The following NSD2 variants were observed in gnomAD, a reference collection of about 807,000 sequenced individuals.
NSD2 encodes the protein histone-lysine N-methyltransferase NSD2.
A neutral mutation model predicts 139.0 loss-of-function variants in NSD2; 12 were observed. The observed-to-expected ratio is 0.09, with a 90% CI of 0.06 to 0.14. The LOEUF (loss-of-function observed/expected upper bound fraction) is 0.14, where lower values mean the gene tolerates loss of function less well. NSD2 is among the 10% of genes least tolerant of loss of function. NSD2 has a pLI of 1.00. For missense variants in NSD2, 1,155 were observed against 1,745.0 expected, an observed-to-expected ratio of 0.66 and a Z score of 6.02; for synonymous variants, 669 against 648.7, an observed-to-expected ratio of 1.03 and a Z score of -0.48.
chr4:1,963,780 G>A (rs1449098384), intron 18 of NSD2, among the ~76,000 whole-genome samples: 5 of 152,214 alleles, frequency 3.3e-5, no homozygotes, highest in Admixed American at 6.5e-5. Context: ...TTGGAAGGCC[G>A]AGTTGGGAGG....
Position 1,981,314 on chromosome 4 carries a change from G to A in NSD2, c.*2405G>A, listed in dbSNP as rs1376372902. ...TTGGGGTAGCGGCCCTGAGCTTGCA[G>A]GGTTTCTCGCCACTGGGGCTGACCA... On this transcript the variant is annotated 3_prime_UTR_variant, in exon 22 of 22. Coordinates refer to ENST00000508803, the MANE Select transcript of NSD2 (RefSeq NM_001042424.3). 4.3e-6 allele frequency: 1 copy of A among 233,426 alleles called. No individual in the cohort carries two copies. Among genetic ancestry groups the A allele is most frequent in the Non-Finnish European group, 8.5e-6 (1 of 118,132 alleles). The allele number at this position is 233,426 out of a possible 1,614,324, so 14.5% of individuals were successfully genotyped here.
chr4:1,912,121 TAA>T, intron 3 of NSD2: 1 of 411,550 alleles, frequency 2.4e-6, no homozygotes, highest in Non-Finnish European at 4.8e-6. Flanking sequence ...TTTGAACACT[TAA>T]AAACAAGTCA....
In NSD2 at chr4:1,974,765, A is replaced by G. The variant is rs955225723; in HGVS notation, c.3373-98A>G. 1.3e-6 allele frequency: 2 copies of G among 1,550,676 alleles called. No homozygotes were observed. The highest frequency in any genetic ancestry group is 1.4e-5 in the African/African-American group (1 of 73,620). On this transcript the variant is annotated intron_variant, in intron 18 of 21. Transcript: ENST00000508803. The surrounding 1 kb of genome is among the most constrained non-coding windows in gnomAD (Gnocchi z 4.0). ...ACCACGGTTTTCAGTACAACAAGGA[A>G]CACAACTTGTTCAATGTGCTTTATG... is the stretch of plus-strand genomic sequence containing the variant.
intron 1 of NSD2, among the ~76,000 whole-genome samples, chr4:1,886,203 C>G (rs1715068101): frequency 6.6e-6 from 1 of 152,068 alleles, no homozygotes; most frequent in South Asian, 2.1e-4. Flanking sequence ...TCAGCTGTTT[C>G]CTTTTTTTCT....
Position 1,956,260 on chromosome 4 carries a change from A to T in NSD2, c.2881+72A>T, listed in dbSNP as rs508436. 11 of 1,371,738 alleles carry T rather than the reference A, an allele frequency of 8.0e-6. No homozygotes were observed. In the Admixed American group the frequency reaches 9.9e-5, roughly 12 times the overall value. 85.0% of individuals were successfully genotyped at this position (1,371,738 alleles called of 1,614,324 possible). On this transcript the variant is annotated intron_variant, in intron 15 of 21. Coordinates refer to ENST00000508803, the MANE Select transcript of NSD2 (RefSeq NM_001042424.3). The surrounding 1 kb of genome is among the most constrained non-coding windows in gnomAD (Gnocchi z 5.3). ...TTCTTACCCCTAATTTCTATTTTTT[A>T]AAATTTGATCTTTATAGAAAATACT...
intron 1 of NSD2, among the ~76,000 whole-genome samples, chr4:1,887,010 G>T (rs184988724): frequency 1.3e-5 from 2 of 152,162 alleles, no homozygotes; most frequent in Admixed American, 6.5e-5. Context: ...GTGGTTTGAT[G>T]ATCTATTCCA....
At chr4:1,904,721 C>T (rs1717656121) in intron 3 of NSD2, among the ~76,000 whole-genome samples, 1 of 152,110 alleles carries the variant, frequency 6.6e-6, no homozygotes, top group African/African-American at 2.4e-5. Flanking sequence ...TAAAAATGTC[C>T]AAGTGAATTT....
At chr4:1,969,820 A>C (rs1577570538) in intron 18 of NSD2, among the ~76,000 whole-genome samples, 1 of 152,230 alleles carries the variant, frequency 6.6e-6, no homozygotes, top group Admixed American at 6.5e-5. Context: ...TCTAATATTC[A>C]CAGATTTTTT....
chr4:1,964,632 G>GCTGC (rs557563025), intron 18 of NSD2, among the ~76,000 whole-genome samples: 4 of 151,972 alleles, frequency 2.6e-5, no homozygotes, highest in East Asian at 1.9e-4. Flanking sequence ...GGTGCGCTGC[G>GCTGC]CTGCCGTTGT....
chr4:1,978,240 A>G (rs940408634), intron 21 of NSD2, among the ~76,000 whole-genome samples: 8 of 152,244 alleles, frequency 5.3e-5, no homozygotes, highest in Non-Finnish European at 7.3e-5. Context: ...AACGTGACAG[A>G]GCTTTTACAG....
intron 12 of NSD2, among the ~76,000 whole-genome samples, chr4:1,953,805 T>C (rs1724531574): frequency 6.6e-6 from 1 of 151,902 alleles, no homozygotes; most frequent in Admixed American, 6.6e-5. Context: ...TTTTTTTTTT[T>C]CTTTATAGAG....
In NSD2 at chr4:1,918,597, G is replaced by A. The variant is rs909812134; in HGVS notation, c.1384G>A (p.Val462Ile). The A allele has an allele frequency of 8.7e-6, 14 of 1,613,824 alleles. No individual in the cohort carries two copies. The highest frequency in any genetic ancestry group is 1.2e-5 in the Non-Finnish European group (14 of 1,180,000). ...RKGDAASQFLVFCQKHRDEVV... is the reference protein window; with the variant it reads ...RKGDAASQFLIFCQKHRDEVV... Reference sequence around the variant, plus strand: ...GGGAGATGCAGCATCCCAGTTTTTGGTCTTCTGTCAAAAACACAGGGATGA... The same window carrying A: ...GGGAGATGCAGCATCCCAGTTTTTGATCTTCTGTCAAAAACACAGGGATGA... Residue 462 changes from valine to isoleucine, a missense_variant, in exon 5 of 22, where the codon GTC becomes ATC. Transcript: ENST00000508803.
Position 1,952,050 on chromosome 4 carries a change from G to A in NSD2, c.2014-58G>A, listed in dbSNP as rs1724320891. The A allele has an allele frequency of 3.2e-6, 5 of 1,579,174 alleles. No individual in the cohort carries two copies. In the African/African-American group the frequency reaches 5.4e-5, roughly 17 times the overall value. Reference sequence around the variant, plus strand: ...ACAGAAGCAGACGGCTTCCCTTGTGGTAAGAGGTGCAGAAGGGACTGCCGG... The same window carrying A: ...ACAGAAGCAGACGGCTTCCCTTGTGATAAGAGGTGCAGAAGGGACTGCCGG... On this transcript the variant is annotated intron_variant, in intron 10 of 21. Coordinates refer to ENST00000508803, the MANE Select transcript of NSD2 (RefSeq NM_001042424.3).
intron 1 of NSD2, among the ~76,000 whole-genome samples, chr4:1,898,583 C>G (rs1199799892): frequency 6.6e-6 from 1 of 151,186 alleles, no homozygotes; most frequent in Non-Finnish European, 1.5e-5. Flanking sequence ...AGAATTGAAC[C>G]CGGGAGGTGG....
At position 1,938,270 on chromosome 4, in the gene NSD2, A is replaced by G. The variant is rs1722638274; in HGVS notation, c.1675-181A>G. ...GCAACCATGGATGACTTATGTGTGG[A>G]ACACATTTCCAAAGGAAGAAGTTTC... On this transcript the variant is annotated intron_variant, in intron 7 of 21. Transcript: ENST00000508803. Among the ~76,000 whole-genome samples, 3 of 152,202 alleles carry G rather than the reference A, an allele frequency of 2.0e-5. No homozygotes were observed. In the South Asian group the frequency reaches 6.2e-4, roughly 32 times the overall value.
chr4:1,949,766 GAA>G (rs74623987), intron 9 of NSD2, among the ~76,000 whole-genome samples: 4 of 105,804 alleles, frequency 3.8e-5, no homozygotes, highest in Non-Finnish European at 3.9e-5. Context: ...TCTGTCTCGA[GAA>G]AAAAAAAAAA....
At chr4:1,881,761 A>G (rs1216970523) in intron 1 of NSD2, among the ~76,000 whole-genome samples, 1 of 152,202 alleles carries the variant, frequency 6.6e-6, no homozygotes, top group Non-Finnish European at 1.5e-5. Context: ...AAAGCAAGTC[A>G]TGAAGGAAAG....
At chr4:1,932,346 C>T (rs1328306361) in intron 6 of NSD2, among the ~76,000 whole-genome samples, 2 of 136,072 alleles carry the variant, frequency 1.5e-5, no homozygotes, top group African/African-American at 2.8e-5. Context: ...GGCTGAGGCA[C>T]GAGAATCTCT....
Position 1,918,301 on chromosome 4 carries a change from C to A in NSD2, c.1088C>A (p.Ala363Asp). Residue 363 changes from alanine to aspartate, a missense_variant, in exon 5 of 22, where the codon GCT (alanine) becomes GAT (aspartate). By Grantham distance (126) the Ala-to-Asp change is moderately radical (BLOSUM62 -2). Around this residue, in one of 8 missense-constraint regions of NSD2, gnomAD observed 420 missense variants for 469.0 expected, o/e 0.90. Coordinates refer to ENST00000508803, the MANE Select transcript of NSD2 (RefSeq NM_001042424.3). ...CTCAACCCTCAAGTAGCCAAGGAGGCTGGCATTGCTGCAGAGTCTTTGGGA... is the reference window on the plus strand; with the variant it reads ...CTCAACCCTCAAGTAGCCAAGGAGGATGGCATTGCTGCAGAGTCTTTGGGA... The part of the protein sequence containing the change: ...LHLNPQVAKE[A>D]GIAAESLGEM... The A allele has an allele frequency of 9.3e-6, 15 of 1,614,052 alleles. No individual in the cohort carries two copies. Among genetic ancestry groups the A allele is most frequent in the Non-Finnish European group, 1.3e-5 (15 of 1,180,024 alleles).
Sources: allele counts gnomAD v4.1 joint callset (sites outside exome capture counted in the v4.1 genomes callset), GRCh38; gene constraint gnomAD v4.1.1; regional missense constraint gnomAD v4.1.1; non-coding constraint Gnocchi (gnomAD v3.1); transcripts MANE v1.5; gene names NCBI Gene and HGNC (gene_info 2026-07-23, HGNC 2026-07-21).